LIG1: variants seen among roughly 807,000 people sequenced by gnomAD.
LIG1 encodes DNA ligase 1.
In LIG1, 70 loss-of-function variants were observed where a neutral mutation model predicts 115.7. The ratio of observed to expected loss-of-function variants is 0.60; its 90% CI spans 0.50 to 0.74. The LOEUF is 0.74. Ranked by LOEUF, LIG1 falls within the 30% of genes least tolerant of loss-of-function variation. The probability of loss-of-function intolerance (pLI) is 0.00; values close to 1 mark genes in which losing one functional copy is unlikely to be tolerated. For missense variants in LIG1, 1,115 were observed against 1,225.6 expected (o/e 0.91, Z 1.35); for synonymous variants, 487 against 495.3 (o/e 0.98, Z 0.22).
rs775068369 is a variant in LIG1 at position 48,139,972 on chromosome 19, T to C, written c.1086A>G (p.Thr362=). ...GVLLKAVAQA[T]GRQLESVRAE... is the part of the protein sequence containing the mutation. ...CCCTCCAACCACAGTCCCCCTTACCTGTGGCCTGGGCCACTGCCTTGAGAA... is the reference window on the plus strand; with the variant it reads ...CCCTCCAACCACAGTCCCCCTTACCCGTGGCCTGGGCCACTGCCTTGAGAA... The change falls in exon 12 of 28, where the codon ACA becomes ACG. Residue 362 remains threonine (T), a splice_region_variant and synonymous_variant. Coordinates refer to ENST00000263274, the MANE Select transcript of LIG1 (RefSeq NM_000234.3). The C allele has an allele frequency of 1.2e-6, 2 of 1,614,138 alleles. No individual in the cohort carries two copies. The highest frequency in any genetic ancestry group is 1.1e-5 in the South Asian group (1 of 91,084).
Position 48,131,159 on chromosome 19 carries a change from C to G in LIG1, c.1738G>C (p.Glu580Gln). 6.2e-7 allele frequency: 1 copy of G among 1,613,808 alleles called. No individual in the cohort carries two copies. The highest frequency in any genetic ancestry group is 8.5e-7 in the Non-Finnish European group (1 of 1,179,702). ...DGQRAQIHAL[E>Q]GGEVKIFSRN... ...CTGAAGATCTTCACCTCCCCGCCTT[C>G]CAGGGCGTGGATCTGTCACGATGGG... The change falls in exon 19 of 28, where the codon GAA (glutamate) becomes CAA (glutamine). Residue 580 changes from glutamate (E) to glutamine (Q), a missense_variant. Physicochemically the swap from Glu to Gln is conservative, Grantham distance 29. Transcript: ENST00000263274.
At chr19:48,150,356 G>A in intron 7 of LIG1, 146 bp from the exon 8 acceptor site, 1 of 1,245,768 alleles carries the variant, frequency 8.0e-7, no homozygotes, top group Non-Finnish European at 1.1e-6. Context: ...GCTTTGAGCT[G>A]AGATCTCAGG....
chr19:48,131,063 G>A lies in LIG1; in HGVS notation c.1821+13C>T. ...AGACCCTGGCAGAGTGCAAGTGTGT[G>A]GCAGACGCCCACCTTGGGGATGCGG... On this transcript the variant is annotated intron_variant, in intron 19 of 27. Transcript: ENST00000263274. The A allele has an allele frequency of 6.2e-7, 1 of 1,609,336 alleles. No homozygotes were observed. Among genetic ancestry groups the A allele is most frequent in the Non-Finnish European group, 8.5e-7 (1 of 1,175,622 alleles).
intron 3 of LIG1, 76 bp downstream of exon 3, chr19:48,162,186 G>T: frequency 7.2e-7 from 1 of 1,393,998 alleles, no homozygotes; most frequent in South Asian, 1.2e-5. Flanking sequence ...TTTTGCATTA[G>T]GTTTGAACAC....
At chr19:48,158,743 CGTG>C (rs1435573184) in intron 4 of LIG1, among the ~76,000 whole-genome samples, 1 of 152,220 alleles carries the variant, frequency 6.6e-6, no homozygotes, top group East Asian at 1.9e-4. Flanking sequence ...GGGCTTGCCA[CGTG>C]GTACCTGATC....
At chr19:48,124,731 G>A (rs1301051355) in intron 21 of LIG1, among the ~76,000 whole-genome samples, 1 of 152,138 alleles carries the variant, frequency 6.6e-6, no homozygotes, top group East Asian at 1.9e-4. Context: ...AATTAGAAAT[G>A]TAGGCTACTG....
chr19:48,130,068 A>C (rs1028445438), intron 19 of LIG1, among the ~76,000 whole-genome samples: 1 of 152,304 alleles, frequency 6.6e-6, no homozygotes, highest in South Asian at 2.1e-4. Context: ...AATATGTTAG[A>C]ATGATGAGAA....
At chr19:48,150,799 G>T (rs1357939403) in intron 7 of LIG1, among the ~76,000 whole-genome samples, 4 of 152,150 alleles carry the variant, frequency 2.6e-5, no homozygotes, top group Non-Finnish European at 4.4e-5. Context: ...CTGGGCTCAA[G>T]CGATCCTCCC....
At chr19:48,120,272 G>A (rs2033172862) in intron 24 of LIG1, 1 of 985,242 alleles carries the variant, frequency 1.0e-6, no homozygotes, top group Admixed American at 6.2e-5. Flanking sequence ...CTCTTGTGCG[G>A]GCATTCAGGT....
intron 21 of LIG1, 125 bp downstream of exon 21, chr19:48,127,152 C>T: frequency 5.0e-6 from 4 of 799,952 alleles, no homozygotes; most frequent in Non-Finnish European, 8.8e-6. Flanking sequence ...GAACTGCTGC[C>T]CAAGTGTGGC....
chr19:48,146,413 T>G (rs1008286220), intron 9 of LIG1, among the ~76,000 whole-genome samples: 1 of 152,254 alleles, frequency 6.6e-6, no homozygotes, highest in Non-Finnish European at 1.5e-5. Flanking sequence ...AAAATCTCTT[T>G]GATGTCATGC....
chr19:48,115,652 G>C lies in LIG1; in HGVS notation c.2757C>G (p.Tyr919Ter). ...CAGGCCCTAGGAGGGCGAGGGCTTA[G>C]TAGGTATCTTCAGGGTCAGAGCCTG... ...EDSGSDPEDTY is the reference protein window; with the variant it reads ...EDSGSDPEDT The change falls in exon 28 of 28, where the codon TAC becomes TAG. Residue 919 changes from tyrosine (Y) to a stop codon, truncating the protein, a stop_gained. Transcript: ENST00000263274. LOFTEE classifies it high-confidence loss of function. 1 of 1,612,060 alleles carries C rather than the reference G, an allele frequency of 6.2e-7. No homozygotes were observed. The highest frequency in any genetic ancestry group is 8.5e-7 in the Non-Finnish European group (1 of 1,178,084).
Position 48,137,968 on chromosome 19 carries a change from T to C in LIG1, c.1088-280A>G. ...AGGGGAGACATCTGGGCCGGTGTCA[T>C]CAGGGCGCGGATGGGATTTAAAGCC... On this transcript the variant is annotated intron_variant, in intron 12 of 27. Coordinates refer to ENST00000263274, the MANE Select transcript of LIG1 (RefSeq NM_000234.3). This position sits in a 1 kb window ranked among gnomAD's most constrained non-coding sequence, Gnocchi z 4.3. 1 of 541,480 alleles carries C rather than the reference T, an allele frequency of 1.8e-6. No individual in the cohort carries two copies. Among genetic ancestry groups the C allele is most frequent in the Non-Finnish European group, 3.4e-6 (1 of 296,512 alleles). The allele number at this position is 541,480 out of a possible 1,614,324, so 33.5% of individuals were successfully genotyped here.
chr19:48,151,406 T>G (rs1599843013), intron 6 of LIG1, 67 bp from the exon 7 acceptor site: 1 of 970,730 alleles, frequency 1.0e-6, no homozygotes. Context: ...ATTTTGACTC[T>G]GGAGACAGTC....
intron 18 of LIG1, 63 bp from the exon 19 acceptor site, chr19:48,131,234 C>T (rs1568494608): frequency 3.2e-5 from 39 of 1,214,284 alleles, no homozygotes; most frequent in Non-Finnish European, 4.6e-5. Flanking sequence ...TCAGCTTTCT[C>T]TTCTGACCCC....
chr19:48,165,444 AACG>A, intron 2 of LIG1, 103 bp downstream of exon 2: 2 of 941,632 alleles, frequency 2.1e-6, no homozygotes, highest in African/African-American at 1.6e-5. Flanking sequence ...CTCAAAATCT[AACG>A]TAAGAGTTTT....
At position 48,127,890 on chromosome 19, in the gene LIG1, A is replaced by G. The variant is rs758091806; in HGVS notation, c.1932+20T>C. The G allele has an allele frequency of 1.3e-6, 2 of 1,595,392 alleles. No homozygotes were observed. The highest frequency in any genetic ancestry group is 2.7e-5 in the African/African-American group (2 of 74,542). On this transcript the variant is annotated intron_variant, in intron 20 of 27. Transcript: ENST00000263274. ...GAGGAAGTACGGGGCCTTGGCAGGC[A>G]GTGGAGCGGGTGATGCTACCTTGCG...
chr19:48,167,648 A>G (rs936817414), intron 1 of LIG1, among the ~76,000 whole-genome samples: 1 of 151,978 alleles, frequency 6.6e-6, no homozygotes, highest in African/African-American at 2.4e-5. Context: ...CGCATGGTGA[A>G]ACCCCATCTC....
chr19:48,157,017 T>G lies in LIG1; in HGVS notation c.367A>C (p.Thr123Pro). 6.3e-7 allele frequency: 1 copy of G among 1,598,862 alleles called. No homozygotes were observed. Among genetic ancestry groups the G allele is most frequent in the Non-Finnish European group, 8.5e-7 (1 of 1,171,110 alleles). ...SSPSGIPKRR[T>P]ARKQLPKRTI... ...GCAGGGGCCCGTGTGTTCTCACCTG[T>G]GCGACGCTTCGGAATCCCTGATGGG... Residue 123 changes from threonine (T) to proline (P), a missense_variant, in exon 5 of 28, where the codon ACA (threonine) becomes CCA (proline). Coordinates refer to ENST00000263274, the MANE Select transcript of LIG1 (RefSeq NM_000234.3).
Sources: allele counts gnomAD v4.1 joint callset (sites outside exome capture counted in the v4.1 genomes callset), GRCh38; gene constraint gnomAD v4.1.1; non-coding constraint Gnocchi (gnomAD v3.1); transcripts MANE v1.5; gene names NCBI Gene and HGNC (gene_info 2026-07-23, HGNC 2026-07-21).